SULF2: variants seen among roughly 807,000 people sequenced by gnomAD.
SULF2 encodes extracellular sulfatase Sulf-2.
Under a neutral mutation model 107.7 loss-of-function variants are expected in SULF2, and 52 were observed. The observed-to-expected ratio is 0.48, with a 90% confidence interval of 0.39 to 0.61. SULF2 has a LOEUF of 0.61. SULF2 is among the 20% of genes least tolerant of loss of function. SULF2 has a pLI of 0.00. For synonymous variants in SULF2, 460 were observed against 464.3 expected (o/e 0.99, Z 0.12); for missense variants, 993 against 1,177.3 (o/e 0.84, Z 2.29).
chr20:47,722,323 C>T (rs555173552), intron 3 of SULF2, among the ~76,000 whole-genome samples: 15 of 152,120 alleles, frequency 9.9e-5, no homozygotes, highest in Non-Finnish European at 2.1e-4. Flanking sequence ...TGCAGTGGCA[C>T]GATCATGGCT....
chr20:47,744,811 T>C (rs1471051668), intron 2 of SULF2, among the ~76,000 whole-genome samples: 1 of 152,138 alleles, frequency 6.6e-6, no homozygotes, highest in African/African-American at 2.4e-5. Flanking sequence ...CCACCTGGCA[T>C]GGGGCAGGCT....
In SULF2 at chr20:47,691,065, C is replaced by T. The variant is rs544713207; in HGVS notation, c.568-770G>A. On this transcript the variant is annotated intron_variant, in intron 4 of 20. Coordinates refer to ENST00000688720, the MANE Select transcript of SULF2 (RefSeq NM_001387048.1). ...AGAAGCTAAGTAAATTGCCCAATGG[C>T]ACACAGCTAGTAAATGTTGGACCCA... Among the ~76,000 whole-genome samples the T allele has an allele frequency of 2.6e-5, 4 of 152,214 alleles. No individual in the cohort carries two copies. The East Asian group carries it at 7.7e-4, about 29-fold the overall frequency.
chr20:47,694,406 T>C lies in SULF2; in HGVS notation c.568-4111A>G, dbSNP rs7261563. On this transcript the variant is annotated intron_variant, in intron 4 of 20. Transcript: ENST00000688720. This position sits in a 1 kb window ranked among gnomAD's most constrained non-coding sequence, Gnocchi z 4.4. ...AGGCTGAGTTCAGAGATGGGCAAAC[T>C]GTGTTTGGGGTGCCCGGGTCAAGCC... is the stretch of plus-strand genomic sequence containing the variant. 0.054 allele frequency among the ~76,000 whole-genome samples: 8,274 copies of C among 152,196 alleles called. 689 individuals are homozygous for C. Among genetic ancestry groups the C allele is most frequent in the African/African-American group, 0.18 (7,350 of 41,522 alleles).
At chr20:47,675,756 C>T (rs2087620687) in intron 10 of SULF2, among the ~76,000 whole-genome samples, 1 of 141,950 alleles carries the variant, frequency 7.0e-6, no homozygotes, top group Non-Finnish European at 1.6e-5. Context: ...TGCCCCGCCC[C>T]CGACCCTCCT....
At chr20:47,733,411 C>G (rs2089660013) in intron 3 of SULF2, among the ~76,000 whole-genome samples, 1 of 152,228 alleles carries the variant, frequency 6.6e-6, no homozygotes, top group African/African-American at 2.4e-5. Context: ...TTCGTCAATT[C>G]ACTTGCTTGA....
At chr20:47,759,244 T>C (rs1274236228) in intron 1 of SULF2, among the ~76,000 whole-genome samples, 2 of 152,154 alleles carry the variant, frequency 1.3e-5, no homozygotes, top group East Asian at 1.9e-4. Flanking sequence ...CAGGATAAGA[T>C]GCAAACTTCT....
In SULF2 at chr20:47,684,558, G is replaced by A; in HGVS notation, c.761C>T (p.Pro254Leu). ...CATGATCCAGTGTTTGTCCGGGTTG[G>A]GCGCGTAGTTGTAGCTCGGCGTGCT... Reference protein sequence around the residue: ...QHITPSYNYAPNPDKHWIMRY... With the variant: ...QHITPSYNYALNPDKHWIMRY... Residue 254 changes from proline to leucine, a missense_variant, in exon 6 of 21, where the codon CCC becomes CTC. Physicochemically the swap from Pro to Leu is moderately conservative, Grantham distance 98 (BLOSUM62 -3). Around this residue, in one of 3 missense-constraint regions of SULF2, gnomAD observed 388 missense variants for 449.2 expected, o/e 0.86. Transcript: ENST00000688720. 6.2e-7 allele frequency: 1 copy of A among 1,614,050 alleles called. No homozygotes were observed. Among genetic ancestry groups the A allele is most frequent in the Non-Finnish European group, 8.5e-7 (1 of 1,179,966 alleles).
chr20:47,706,604 T>C (rs2088745413), intron 3 of SULF2: 1 of 152,242 alleles, frequency 6.6e-6, no homozygotes. Flanking sequence ...ATGTGCCTAG[T>C]GGATTTGAAG....
chr20:47,726,463 C>T (rs1443118148), intron 3 of SULF2, among the ~76,000 whole-genome samples: 2 of 152,080 alleles, frequency 1.3e-5, no homozygotes, highest in African/African-American at 4.8e-5. Context: ...GATCCTCCTG[C>T]CTCGACCTTT....
At chr20:47,720,298 C>T (rs1180808829) in intron 3 of SULF2, among the ~76,000 whole-genome samples, 1 of 151,990 alleles carries the variant, frequency 6.6e-6, no homozygotes, top group African/African-American at 2.4e-5. Context: ...ACTTTGCCAC[C>T]CAGGCTGGAG....
chr20:47,763,248 T>A (rs2090453878), intron 1 of SULF2, among the ~76,000 whole-genome samples: 1 of 152,186 alleles, frequency 6.6e-6, no homozygotes, highest in African/African-American at 2.4e-5. Flanking sequence ...CCAGGAGACA[T>A]CTCTGGAAAC....
At chr20:47,675,606 C>CT (rs1250761370) in intron 10 of SULF2, among the ~76,000 whole-genome samples, 1 of 152,146 alleles carries the variant, frequency 6.6e-6, no homozygotes, top group Non-Finnish European at 1.5e-5. Context: ...CCTGGTTTTG[C>CT]TTTTTCTCAT....
chr20:47,763,285 A>T (rs2090454563), intron 1 of SULF2, among the ~76,000 whole-genome samples: 1 of 152,042 alleles, frequency 6.6e-6, no homozygotes, highest in African/African-American at 2.4e-5. Flanking sequence ...ATTTAGAAAC[A>T]TCATTTTTAG....
chr20:47,765,252 G>A (rs931778673), intron 1 of SULF2, among the ~76,000 whole-genome samples: 1 of 152,066 alleles, frequency 6.6e-6, no homozygotes, highest in African/African-American at 2.4e-5. Flanking sequence ...CTACTTGGGA[G>A]GCTGAGGCAG....
At chr20:47,745,397 A>G (rs1344076360) in intron 2 of SULF2, among the ~76,000 whole-genome samples, 762 of 33,814 alleles carry the variant, frequency 0.023, 40 homozygotes, top group African/African-American at 0.09. Flanking sequence ...AAAAAAAAAA[A>G]AAAAAAAAAA....
chr20:47,663,654 G>A (rs2087165482), intron 15 of SULF2, 32 bp from the exon 16 acceptor site: 2 of 1,532,448 alleles, frequency 1.3e-6, no homozygotes, highest in Non-Finnish European at 8.8e-7. Context: ...CACACCTTGG[G>A]CCTCTGAGGG....
intron 2 of SULF2, among the ~76,000 whole-genome samples, chr20:47,739,440 C>T (rs957050395): frequency 3.3e-5 from 5 of 152,180 alleles, no homozygotes; most frequent in Non-Finnish European, 7.4e-5. Flanking sequence ...TGGCCGCCCT[C>T]CCACCTCCTG....
At chr20:47,727,606 C>G (rs1256394045) in intron 3 of SULF2, among the ~76,000 whole-genome samples, 3 of 152,198 alleles carry the variant, frequency 2.0e-5, no homozygotes, top group Non-Finnish European at 4.4e-5. Context: ...CCCCATCGGC[C>G]TCACATCAGC....
At chr20:47,762,106 A>G (rs890907532) in intron 1 of SULF2, among the ~76,000 whole-genome samples, 1 of 152,202 alleles carries the variant, frequency 6.6e-6, no homozygotes, top group African/African-American at 2.4e-5. Flanking sequence ...TTTCTTTTAA[A>G]TTACCCAGTC....
Sources: gnomAD v4.1 joint callset for allele counts (sites outside exome capture counted in the v4.1 genomes callset) on GRCh38, gnomAD v4.1.1 for gene constraint, gnomAD v4.1.1 regional missense constraint, Gnocchi (gnomAD v3.1) non-coding constraint, MANE v1.5 for transcripts, NCBI Gene and HGNC (gene_info 2026-07-23, HGNC 2026-07-21) for gene names.